The following RAP1A variants were observed in gnomAD, a reference collection of about 807,000 sequenced individuals.
RAP1A encodes ras-related protein Rap-1A.
Under a neutral mutation model 26.4 loss-of-function variants are expected in RAP1A, and 6 were observed. The observed-to-expected ratio is 0.23, with a 90% CI of 0.12 to 0.45. The LOEUF is 0.45. Ranked by LOEUF, RAP1A falls within the 20% of genes least tolerant of loss-of-function variation. The pLI, the probability that RAP1A is intolerant of heterozygous loss-of-function variation, is 0.99. For missense variants in RAP1A, 121 were observed against 217.2 expected (o/e 0.56, Z 2.78); for synonymous variants, 73 against 79.4 (o/e 0.92, Z 0.43).
At chr1:111,657,758 C>A (rs1557881010) in intron 1 of RAP1A, among the ~76,000 whole-genome samples, 1 of 152,084 alleles carries the variant, frequency 6.6e-6, no homozygotes, top group Non-Finnish European at 1.5e-5. Context: ...AATCATTTGA[C>A]CATATATGTG....
At position 111,712,946 on chromosome 1, in the gene RAP1A, G is replaced by A. The variant is rs1407963247; in HGVS notation, c.*545G>A. On this transcript the variant is annotated 3_prime_UTR_variant, in exon 8 of 8. Coordinates refer to ENST00000369709, the MANE Select transcript of RAP1A (RefSeq NM_002884.4). ...TATTCTAATTAAAATTGTGCATAAT[G>A]CTTTGGAAAAATGGGTCTTTTATAG... 10 of 152,382 alleles carry A rather than the reference G, an allele frequency of 6.6e-5. No homozygotes were observed. Among genetic ancestry groups the A allele is most frequent in the Non-Finnish European group, 8.8e-5 (6 of 67,930 alleles). The allele number at this position is 152,382 out of a possible 1,614,324, so 9.4% of individuals were successfully genotyped here.
At chr1:111,542,404 C>A in exon 1 of RAP1A, 1 of 233,650 alleles carries the variant, frequency 4.3e-6, no homozygotes. Context: ...TGCCTGAGGA[C>A]CTCCATTTAT....
intron 1 of RAP1A, among the ~76,000 whole-genome samples, chr1:111,575,169 GAT>G (rs1658120937): frequency 6.7e-6 from 1 of 149,942 alleles, no homozygotes; most frequent in East Asian, 1.9e-4. Flanking sequence ...TTTTTTTTGA[GAT>G]AGAGTCTCAC....
At chr1:111,706,394 C>A (rs541015784) in intron 6 of RAP1A, among the ~76,000 whole-genome samples, 1 of 151,990 alleles carries the variant, frequency 6.6e-6, no homozygotes, top group African/African-American at 2.4e-5. Context: ...CACCTCTTGG[C>A]CTTAAATTTG....
intron 1 of RAP1A, among the ~76,000 whole-genome samples, chr1:111,628,036 C>T (rs530174187): frequency 2.0e-4 from 31 of 152,122 alleles, no homozygotes; most frequent in African/African-American, 7.2e-4. Context: ...TGATTGGAGG[C>T]AACCTGCTAA....
At chr1:111,604,755 T>TA (rs1323122862) in intron 1 of RAP1A, 3 of 152,210 alleles carry the variant, frequency 2.0e-5, no homozygotes, top group African/African-American at 7.2e-5. Flanking sequence ...ATCCTCAAAA[T>TA]AATTGCATGA....
upstream of RAP1A, chr1:111,619,680 C>T (rs1659103359): frequency 2.6e-6 from 1 of 391,912 alleles, no homozygotes. Context: ...TCCGGAACGC[C>T]GTGGGGAAGG....
chr1:111,546,211 G>T (rs1334724148), intron 1 of RAP1A, among the ~76,000 whole-genome samples: 1 of 152,128 alleles, frequency 6.6e-6, no homozygotes, highest in African/African-American at 2.4e-5. Flanking sequence ...GAGCAATTTA[G>T]AAAGTACTGC....
intron 1 of RAP1A, among the ~76,000 whole-genome samples, chr1:111,626,193 C>G (rs529803739): frequency 6.6e-6 from 1 of 152,254 alleles, no homozygotes; most frequent in African/African-American, 2.4e-5. Flanking sequence ...TTCACATTCT[C>G]TTAGTTGGTG....
At chr1:111,614,240 T>C (rs1373729629) in intron 1 of RAP1A, among the ~76,000 whole-genome samples, 2 of 152,246 alleles carry the variant, frequency 1.3e-5, no homozygotes, top group South Asian at 2.1e-4. Context: ...AATGTCATCA[T>C]TGGTAGCATT....
chr1:111,600,933 T>C (rs983706024), intron 1 of RAP1A, among the ~76,000 whole-genome samples: 2 of 152,200 alleles, frequency 1.3e-5, no homozygotes, highest in East Asian at 3.8e-4. Flanking sequence ...TCTTTATGCA[T>C]GTGAGCGGAG....
Position 111,569,252 on chromosome 1 carries a change from T to G in RAP1A, c.-28+26743T>G, listed in dbSNP as rs973115165. Among the ~76,000 whole-genome samples the G allele has an allele frequency of 1.3e-5, 2 of 151,866 alleles. 1 individual carries two copies. Among genetic ancestry groups the G allele is most frequent in the African/African-American group, 4.8e-5 (2 of 41,330 alleles). On this transcript the variant is annotated intron_variant, in intron 1 of 7. Coordinates refer to the RAP1A transcript ENST00000356415. ...CCTGTCTCTACTAAAAATACAAAAA[T>G]TAGCCATGAATGGTGGCGTGCACCT...
chr1:111,674,846 C>T (rs944923803), intron 1 of RAP1A, among the ~76,000 whole-genome samples: 3 of 152,156 alleles, frequency 2.0e-5, no homozygotes, highest in Non-Finnish European at 2.9e-5. Flanking sequence ...ATCTCTCACT[C>T]GAGTTACTGC....
intron 1 of RAP1A, among the ~76,000 whole-genome samples, chr1:111,610,533 A>AACACACACAC (rs71099922): frequency 6.3e-5 from 9 of 141,794 alleles, no homozygotes; most frequent in Admixed American, 2.8e-4. Flanking sequence ...CCCTCCACCC[A>AACACACACAC]ACACACACAC....
At chr1:111,697,678 A>G (rs1661878993) in intron 4 of RAP1A, among the ~76,000 whole-genome samples, 181 bp downstream of exon 4, 2 of 152,184 alleles carry the variant, frequency 1.3e-5, no homozygotes, top group African/African-American at 4.8e-5. Flanking sequence ...ATGCTCACAT[A>G]TCACAAAGTT....
intron 1 of RAP1A, among the ~76,000 whole-genome samples, chr1:111,560,022 C>T (rs140019483): frequency 2.0e-5 from 3 of 152,308 alleles, no homozygotes; most frequent in South Asian, 2.1e-4. Flanking sequence ...TAAAAATTGC[C>T]GCTCAGAGTA....
chr1:111,566,887 G>A (rs1236492583), intron 1 of RAP1A, among the ~76,000 whole-genome samples: 8 of 150,960 alleles, frequency 5.3e-5, no homozygotes, highest in Admixed American at 1.3e-4. Flanking sequence ...TTTTTTGGAG[G>A]GGGGAGGAGG....
At chr1:111,650,046 ATTC>A (rs560001693) in intron 1 of RAP1A, among the ~76,000 whole-genome samples, 418 of 149,802 alleles carry the variant, frequency 2.8e-3, no homozygotes, top group African/African-American at 9.7e-3. Context: ...TTGATTTAGA[ATTC>A]TTCTAACAAT....
intron 1 of RAP1A, among the ~76,000 whole-genome samples, chr1:111,560,449 C>T (rs1183061528): frequency 8.2e-6 from 1 of 122,388 alleles, no homozygotes; most frequent in Admixed American, 7.3e-5. Flanking sequence ...TTGAAAGAAG[C>T]CCTTGGTAGC....
Sources: allele counts gnomAD v4.1 joint callset (sites outside exome capture counted in the v4.1 genomes callset), GRCh38; gene constraint gnomAD v4.1.1; transcripts MANE v1.5; gene names NCBI Gene and HGNC (gene_info 2026-07-23, HGNC 2026-07-21).